ZNF81: variants seen among roughly 807,000 people sequenced by gnomAD.
ZNF81 encodes zinc finger protein 81 (HFZ20).
ZNF81 carries 5 observed loss-of-function variants against 32.3 expected under a neutral mutation model. The observed-to-expected ratio is 0.15, with a 90% CI of 0.08 to 0.33. ZNF81 has a LOEUF of 0.33. Ranked by LOEUF, ZNF81 falls within the 10% of genes least tolerant of loss-of-function variation. The pLI is 1.00. For missense variants in ZNF81, 379 were observed against 479.8 expected (o/e 0.79, Z 1.96); for synonymous variants, 163 against 166.8 (o/e 0.98, Z 0.17).
rs1428453708 is a variant in ZNF81, at chrX:47,922,999, A to G, written c.*6367A>G. On this transcript the variant is annotated 3_prime_UTR_variant, in exon 5 of 5. Coordinates refer to ENST00000338637, the MANE Select transcript of ZNF81 (RefSeq NM_007137.5). Reference sequence around the variant, plus strand: ...TTTCCAAATTTCCCCTTTTATAAGGACACTAGTTATATTGGAGTGGGGTTC... The same window carrying G: ...TTTCCAAATTTCCCCTTTTATAAGGGCACTAGTTATATTGGAGTGGGGTTC... Among the ~76,000 whole-genome samples the G allele has an allele frequency of 2.7e-5, 3 of 111,601 alleles. No homozygotes were observed. Among genetic ancestry groups the G allele is most frequent in the African/African-American group, 9.8e-5 (3 of 30,646 alleles).
intron 1 of ZNF81, chrX:47,841,072 A>G: frequency 2.3e-6 from 2 of 851,581 alleles, no homozygotes; most frequent in Non-Finnish European, 1.7e-6. Flanking sequence ...GGCCACTGAC[A>G]GGTGGAAAGG....
At chrX:47,903,040 C>G (rs988946207) in intron 4 of ZNF81, among the ~76,000 whole-genome samples, 2 of 111,342 alleles carry the variant, frequency 1.8e-5, no homozygotes, top group Non-Finnish European at 3.8e-5. Context: ...CAATAAATTA[C>G]GTATTGATGG....
intron 2 of ZNF81, among the ~76,000 whole-genome samples, chrX:47,884,243 TAAAAA>T (rs56255807): frequency 3.2e-5 from 1 of 31,252 alleles, no homozygotes; most frequent in Non-Finnish European, 5.7e-5. Flanking sequence ...AGACGTCATC[TAAAAA>T]AAAAAAAAAA....
rs138423722 is a variant in ZNF81 at position 47,890,338 on chromosome X, G to T, written c.181+2213G>T. 3.8e-3 allele frequency among the ~76,000 whole-genome samples: 424 copies of T among 111,941 alleles called. 3 individuals carry two copies. Among genetic ancestry groups the T allele is most frequent in the Middle Eastern group, 0.023 (5 of 219 alleles). On this transcript the variant is annotated intron_variant, in intron 3 of 4. Coordinates refer to ENST00000338637, the MANE Select transcript of ZNF81 (RefSeq NM_007137.5). Reference sequence around the variant, plus strand: ...GCACTGGGCTCTTCCATGTTCACTTGCTGTTACTGAGGGAATCCTTGTTAA... The same window carrying T: ...GCACTGGGCTCTTCCATGTTCACTTTCTGTTACTGAGGGAATCCTTGTTAA...
At chrX:47,913,026 G>A (rs782740397) in intron 4 of ZNF81, among the ~76,000 whole-genome samples, 60 of 110,845 alleles carry the variant, frequency 5.4e-4, no homozygotes, top group Admixed American at 3.8e-3. Context: ...TATATATAAT[G>A]TAGGTCCAAG....
chrX:47,865,635 A>G (rs1193064000), intron 2 of ZNF81, among the ~76,000 whole-genome samples: 2 of 111,752 alleles, frequency 1.8e-5, no homozygotes, highest in Admixed American at 9.5e-5. Context: ...CTCAAAGGAC[A>G]TTGGTTTGCA....
In ZNF81 at chrX:47,916,302, A is replaced by G. The variant is rs1556890844; in HGVS notation, c.1656A>G (p.Lys552=). The change falls in exon 5 of 5, where the codon AAA becomes AAG. Residue 552 remains lysine (K), a synonymous_variant. Transcript: ENST00000338637. ...NKHQTIHTGE[K]PYVCADCGRA... Reference sequence around the variant, plus strand: ...ACCAGACCATTCACACTGGAGAGAAACCCTATGTTTGTGCTGATTGTGGGA... The same window carrying G: ...ACCAGACCATTCACACTGGAGAGAAGCCCTATGTTTGTGCTGATTGTGGGA... 1 of 1,210,706 alleles carries G rather than the reference A, an allele frequency of 8.3e-7. No individual in the cohort carries two copies.
intron 2 of ZNF81, among the ~76,000 whole-genome samples, chrX:47,883,621 C>T (rs2058629434): frequency 9.0e-6 from 1 of 111,606 alleles, no homozygotes; most frequent in South Asian, 3.7e-4. Flanking sequence ...TTAGTAATTC[C>T]TTTCTTTTAC....
chrX:47,887,245 TA>T (rs1477704319), intron 2 of ZNF81, among the ~76,000 whole-genome samples: 5 of 111,866 alleles, frequency 4.5e-5, no homozygotes, highest in Non-Finnish European at 5.6e-5. Context: ...ATCTTAACAT[TA>T]GGGGGTATAA....
intron 2 of ZNF81, among the ~76,000 whole-genome samples, chrX:47,879,772 G>C (rs1556884932): frequency 8.9e-6 from 1 of 112,038 alleles, no homozygotes; most frequent in Non-Finnish European, 1.9e-5. Flanking sequence ...GGCAGTCAGT[G>C]AGTCTGCTTT....
Position 47,924,686 on chromosome X carries a change from A to C in ZNF81, c.*8054A>C, listed in dbSNP as rs1377291842. Among the ~76,000 whole-genome samples, 2 of 111,715 alleles carry C rather than the reference A, an allele frequency of 1.8e-5. No homozygotes were observed. The highest frequency in any genetic ancestry group is 3.8e-5 in the Non-Finnish European group (2 of 53,118). On this transcript the variant is annotated 3_prime_UTR_variant, in exon 5 of 5. Transcript: ENST00000338637. ...CTTGAATCTCATGTTCTTCATGTTT[A>C]GACATTAACAAGCAATTTGCTCAGA...
chrX:47,877,744 T>G, intron 2 of ZNF81, among the ~76,000 whole-genome samples: 1 of 112,253 alleles, frequency 8.9e-6, no homozygotes, highest in Admixed American at 9.4e-5. Flanking sequence ...ATTTTCCTGA[T>G]AGCATACCTT....
At chrX:47,841,018 C>T (rs2058447102) in intron 1 of ZNF81, 2 of 847,820 alleles carry the variant, frequency 2.4e-6, no homozygotes, top group Non-Finnish European at 3.4e-6. Context: ...GCCAGGTGTG[C>T]CCGTCTCCTT....
chrX:47,880,545 G>C (rs1321874200), intron 2 of ZNF81, among the ~76,000 whole-genome samples: 1 of 112,186 alleles, frequency 8.9e-6, no homozygotes, highest in African/African-American at 3.2e-5. Context: ...GCATTTCTCA[G>C]CTGGAATTCT....
chrX:47,910,422 A>G (rs1033721236), intron 4 of ZNF81, among the ~76,000 whole-genome samples: 2 of 111,773 alleles, frequency 1.8e-5, no homozygotes, highest in Non-Finnish European at 3.8e-5. Context: ...AAAAGTGGGC[A>G]AAGGATATGA....
intron 3 of ZNF81, among the ~76,000 whole-genome samples, chrX:47,894,119 G>A (rs189696309): frequency 3.6e-5 from 4 of 111,784 alleles, no homozygotes; most frequent in East Asian, 2.8e-4. Context: ...CAAATACAAC[G>A]TGGACAAGTG....
chrX:47,863,459 G>T (rs781890996), intron 2 of ZNF81, among the ~76,000 whole-genome samples: 18 of 112,190 alleles, frequency 1.6e-4, no homozygotes, highest in Admixed American at 2.8e-4. Context: ...AAGACTCTGG[G>T]CAGGCTGTAT....
intron 2 of ZNF81, among the ~76,000 whole-genome samples, chrX:47,856,340 A>G (rs1236180827): frequency 1.8e-5 from 2 of 111,513 alleles, no homozygotes; most frequent in African/African-American, 3.3e-5. Flanking sequence ...ATAGATATTG[A>G]TAGACTTTGG....
At chrX:47,866,842 G>A (rs1029490027) in intron 2 of ZNF81, among the ~76,000 whole-genome samples, 2 of 111,096 alleles carry the variant, frequency 1.8e-5, no homozygotes, top group East Asian at 2.8e-4. Flanking sequence ...GCAAAAACAA[G>A]GAATAAACCC....
Sources: allele counts gnomAD v4.1 joint callset (sites outside exome capture counted in the v4.1 genomes callset), GRCh38; gene constraint gnomAD v4.1.1; transcripts MANE v1.5; gene names NCBI Gene and HGNC (gene_info 2026-07-23, HGNC 2026-07-21).